Variants in MED27 observed in about 807,000 individuals in gnomAD.
The protein encoded by MED27 is mediator complex subunit 27, also known as mediator of RNA polymerase II transcription subunit 27.
Under a neutral mutation model 38.2 loss-of-function variants are expected in MED27, and 30 were observed. That is an observed-to-expected ratio of 0.79 (90% CI 0.59 to 1.07). The LOEUF (loss-of-function observed/expected upper bound fraction) is 1.07. MED27 is among the 50% of genes least tolerant of loss of function. MED27 has a pLI of 0.00. For synonymous variants in MED27, 122 were observed against 153.5 expected, an observed-to-expected ratio of 0.79 and a Z score of 1.52; for missense variants, 289 against 397.5, an observed-to-expected ratio of 0.73 and a Z score of 2.32.
At chr9:132,050,358 G>A (rs1272911118) in intron 2 of MED27, among the ~76,000 whole-genome samples, 4 of 152,216 alleles carry the variant, frequency 2.6e-5, no homozygotes, top group African/African-American at 7.2e-5. Flanking sequence ...GATGAGGGGC[G>A]GTCCAGGTGC....
Position 131,893,911 on chromosome 9 carries a change from C to T in MED27, c.655G>A (p.Glu219Lys), listed in dbSNP as rs368446758. ...IDRTIVKGYN[E>K]NVYTEDGKLD... Reference sequence around the variant, plus strand: ...TTGCCATCTTCTGTGTAGACATTCTCGTTATATCCCTTTACTATTGTTCGA... The same window carrying T: ...TTGCCATCTTCTGTGTAGACATTCTTGTTATATCCCTTTACTATTGTTCGA... Residue 219 changes from glutamate to lysine, a missense_variant, in exon 5 of 8, where the codon GAG (glutamate) becomes AAG (lysine). Physicochemically the swap from Glu to Lys is moderately conservative, Grantham distance 56 (BLOSUM62 1). Coordinates refer to ENST00000292035, the MANE Select transcript of MED27 (RefSeq NM_004269.4). 91 of 1,613,902 alleles carry T rather than the reference C, an allele frequency of 5.6e-5. No homozygotes were observed. The highest frequency in any genetic ancestry group is 1.7e-4 in the Middle Eastern group (1 of 6,050).
At chr9:132,014,067 A>G (rs994469622) in intron 3 of MED27, among the ~76,000 whole-genome samples, 1 of 145,752 alleles carries the variant, frequency 6.9e-6, no homozygotes, top group South Asian at 2.4e-4. Flanking sequence ...TTAGCTGGGC[A>G]TGGTGGTGTG....
chr9:132,060,443 C>T (rs188632980), intron 2 of MED27, among the ~76,000 whole-genome samples: 2 of 152,312 alleles, frequency 1.3e-5, no homozygotes, highest in African/African-American at 4.8e-5. Flanking sequence ...CCTTTCTCAT[C>T]AGTTGGACAA....
At chr9:132,057,718 C>T (rs546457642) in intron 2 of MED27, among the ~76,000 whole-genome samples, 5 of 152,288 alleles carry the variant, frequency 3.3e-5, no homozygotes, top group South Asian at 2.1e-4. Context: ...TGGTCCCAAA[C>T]GTTACTCATG....
intron 4 of MED27, among the ~76,000 whole-genome samples, chr9:131,919,663 G>A (rs922496613): frequency 5.9e-5 from 9 of 152,114 alleles, no homozygotes; most frequent in African/African-American, 2.2e-4. Flanking sequence ...TGCACACAGT[G>A]CCCAGCACAG....
At chr9:131,939,315 A>G (rs914931528) in intron 4 of MED27, 66 bp downstream of exon 4, 2 of 1,007,632 alleles carry the variant, frequency 2.0e-6, no homozygotes, top group Non-Finnish European at 3.0e-6. Flanking sequence ...ACACAGGACC[A>G]GAGAGTTAAT....
At chr9:132,028,891 C>T (rs148356583) in intron 2 of MED27, among the ~76,000 whole-genome samples, 11 of 152,282 alleles carry the variant, frequency 7.2e-5, no homozygotes, top group Middle Eastern at 6.8e-3. Flanking sequence ...AGCTCCAAGA[C>T]GCGCTAAAAT....
chr9:131,896,840 T>C (rs985665884), intron 4 of MED27, among the ~76,000 whole-genome samples: 1 of 152,270 alleles, frequency 6.6e-6, no homozygotes, highest in African/African-American at 2.4e-5. Context: ...CAAGCGATTT[T>C]CCTGCCTCAG....
chr9:131,886,913 C>T (rs1462058986), intron 5 of MED27, among the ~76,000 whole-genome samples: 1 of 152,176 alleles, frequency 6.6e-6, no homozygotes, highest in Non-Finnish European at 1.5e-5. Context: ...GCCAAGATGA[C>T]AGAGAGAAGC....
chr9:132,046,696 G>C (rs988714048), intron 2 of MED27, among the ~76,000 whole-genome samples: 1 of 152,168 alleles, frequency 6.6e-6, no homozygotes, highest in Admixed American at 6.5e-5. Flanking sequence ...ACCCAGAAGA[G>C]CCTAAAATGT....
intron 6 of MED27, among the ~76,000 whole-genome samples, chr9:131,877,614 G>A (rs1342046022): frequency 6.6e-6 from 1 of 152,094 alleles, no homozygotes; most frequent in Non-Finnish European, 1.5e-5. Flanking sequence ...TGTTTATGGA[G>A]CCTCTTTAGT....
intron 5 of MED27, among the ~76,000 whole-genome samples, chr9:131,886,330 A>G (rs1589185767): frequency 6.6e-6 from 1 of 152,232 alleles, no homozygotes; most frequent in African/African-American, 2.4e-5. Flanking sequence ...GAGGAACTCC[A>G]TGAGTTCAGC....
At chr9:131,864,197 C>T (rs568700840) in intron 6 of MED27, among the ~76,000 whole-genome samples, 31 of 152,276 alleles carry the variant, frequency 2.0e-4, no homozygotes, top group African/African-American at 6.7e-4. Flanking sequence ...AAAAACAAAA[C>T]AGGCCAGGTG....
At chr9:131,921,132 T>C (rs984805621) in intron 4 of MED27, among the ~76,000 whole-genome samples, 1 of 152,160 alleles carries the variant, frequency 6.6e-6, no homozygotes, top group Non-Finnish European at 1.5e-5. Flanking sequence ...AATTTCTTAT[T>C]CTGAAACAAC....
At chr9:131,952,482 G>A (rs1282340471) in intron 3 of MED27, among the ~76,000 whole-genome samples, 1 of 152,144 alleles carries the variant, frequency 6.6e-6, no homozygotes, top group Non-Finnish European at 1.5e-5. Flanking sequence ...ACTACCTTAT[G>A]TAAAGAGCAT....
At chr9:131,868,673 C>T (rs557206436) in intron 6 of MED27, 1 of 985,514 alleles carries the variant, frequency 1.0e-6, no homozygotes, top group Non-Finnish European at 1.2e-6. Flanking sequence ...GGAGCCCGAA[C>T]ACTGGGAGGC....
chr9:131,874,070 C>T (rs1397759301), intron 6 of MED27, among the ~76,000 whole-genome samples: 8 of 152,212 alleles, frequency 5.3e-5, no homozygotes, highest in African/African-American at 1.4e-4. Context: ...GGAGGCCTTG[C>T]GGACCTGGGT....
At chr9:131,936,132 CA>C (rs748150201) in intron 4 of MED27, among the ~76,000 whole-genome samples, 5,316 of 84,218 alleles carry the variant, frequency 0.063, 279 homozygotes, top group African/African-American at 0.21. Context: ...GACCCTGTCT[CA>C]AAAAAAAAAA....
intron 4 of MED27, among the ~76,000 whole-genome samples, chr9:131,918,312 G>A (rs1157765261): frequency 1.3e-5 from 2 of 152,184 alleles, no homozygotes; most frequent in African/African-American, 4.8e-5. Context: ...TGCTAATGTA[G>A]ACTAAATATT....
Sources: gnomAD v4.1 joint callset for allele counts (sites outside exome capture counted in the v4.1 genomes callset) on GRCh38, gnomAD v4.1.1 for gene constraint, MANE v1.5 for transcripts, NCBI Gene and HGNC (gene_info 2026-07-23, HGNC 2026-07-21) for gene names.